The following SLC30A8 variants were observed in gnomAD, a reference collection of about 807,000 sequenced individuals.
SLC30A8 encodes solute carrier family 30 member 8, also known as proton-coupled zinc antiporter SLC30A8.
In SLC30A8, 27 loss-of-function variants were observed where a neutral mutation model predicts 36.9. That is an observed-to-expected ratio of 0.73 (90% CI 0.54 to 1.01). The LOEUF is 1.01. Ranked by LOEUF, SLC30A8 falls within the 50% of genes least tolerant of loss-of-function variation. The pLI is 0.00. For synonymous variants in SLC30A8, 164 were observed against 172.4 expected, an observed-to-expected ratio of 0.95 and a Z score of 0.38; for missense variants, 439 against 452.0, an observed-to-expected ratio of 0.97 and a Z score of 0.26.
Position 117,175,796 on chromosome 8 carries a change from G to C in SLC30A8, c.*3115G>C, listed in dbSNP as rs983269510. ...CCCACAAGACAGTGGCAAAATTATTGGTGAGAATTAAACAGCTGTTTCTCA... is the reference window on the plus strand; with the variant it reads ...CCCACAAGACAGTGGCAAAATTATTCGTGAGAATTAAACAGCTGTTTCTCA... On this transcript the variant is annotated 3_prime_UTR_variant, in exon 8 of 8. Coordinates refer to ENST00000456015, the MANE Select transcript of SLC30A8 (RefSeq NM_173851.3). The C allele has an allele frequency of 2.0e-5, 3 of 152,070 alleles. No individual in the cohort carries two copies. Among genetic ancestry groups the C allele is most frequent in the Admixed American group, 6.6e-5 (1 of 15,238 alleles). 9.4% of individuals were successfully genotyped at this position (152,070 alleles called of 1,614,324 possible).
intron 2 of SLC30A8, among the ~76,000 whole-genome samples, chr8:117,079,152 C>T (rs1345653257): frequency 6.6e-6 from 1 of 152,004 alleles, no homozygotes; most frequent in Admixed American, 6.6e-5. Context: ...CCTGGGATTG[C>T]AGGTGCGGGC....
intron 2 of SLC30A8, among the ~76,000 whole-genome samples, chr8:117,061,377 C>T (rs1251756205): frequency 2.0e-5 from 3 of 152,250 alleles, no homozygotes; most frequent in Non-Finnish European, 4.4e-5. Context: ...TAGGCTTTCT[C>T]ATAGCATTCC....
intron 1 of SLC30A8, among the ~76,000 whole-genome samples, chr8:117,036,052 TG>T (rs1817203223): frequency 6.6e-6 from 1 of 152,196 alleles, no homozygotes; most frequent in African/African-American, 2.4e-5. Flanking sequence ...CCCATTGTCT[TG>T]GCTATTAACA....
At chr8:117,145,730 A>G (rs1336117327) in intron 1 of SLC30A8, among the ~76,000 whole-genome samples, 2 of 152,168 alleles carry the variant, frequency 1.3e-5, no homozygotes, top group Non-Finnish European at 2.9e-5. Context: ...GGCATGACAG[A>G]AGAAACACTG....
At chr8:117,088,509 C>T (rs959095272) in intron 2 of SLC30A8, among the ~76,000 whole-genome samples, 7 of 152,114 alleles carry the variant, frequency 4.6e-5, no homozygotes, top group Admixed American at 3.9e-4. Context: ...CACTGCCTCT[C>T]AAGTTCCGAC....
chr8:117,038,078 G>A (rs187599490), intron 1 of SLC30A8, among the ~76,000 whole-genome samples: 16 of 152,224 alleles, frequency 1.1e-4, no homozygotes, highest in Admixed American at 9.2e-4. Context: ...TCCTGAGGCC[G>A]AATGTGGTAT....
At chr8:117,010,322 A>G (rs1339107368) in intron 1 of SLC30A8, among the ~76,000 whole-genome samples, 2 of 152,200 alleles carry the variant, frequency 1.3e-5, no homozygotes, top group African/African-American at 4.8e-5. Flanking sequence ...AGTCCTCAGC[A>G]GACAAAGCTT....
At chr8:116,972,544 C>T (rs73701640) in intron 1 of SLC30A8, among the ~76,000 whole-genome samples, 2,189 of 152,294 alleles carry the variant, frequency 0.014, 60 homozygotes, top group African/African-American at 0.05. Context: ...GACCTAAGCT[C>T]ACAAGGAGGA....
intron 1 of SLC30A8, among the ~76,000 whole-genome samples, chr8:117,144,268 T>G (rs1563624282): frequency 6.6e-6 from 1 of 152,300 alleles, no homozygotes; most frequent in East Asian, 1.9e-4. Context: ...ATACTTTATT[T>G]GTTACTTTCC....
At chr8:116,993,587 T>C (rs1815720246) in intron 1 of SLC30A8, among the ~76,000 whole-genome samples, 1 of 151,914 alleles carries the variant, frequency 6.6e-6, no homozygotes, top group Non-Finnish European at 1.5e-5. Flanking sequence ...AAAATTATTA[T>C]GTTAAAAATA....
At chr8:117,167,348 A>G (rs1297541496) in intron 6 of SLC30A8, among the ~76,000 whole-genome samples, 1 of 152,162 alleles carries the variant, frequency 6.6e-6, no homozygotes, top group African/African-American at 2.4e-5. Flanking sequence ...ATTTAAAAAT[A>G]ATACAGAAAA....
chr8:117,105,169 C>T (rs1000674234), intron 2 of SLC30A8, among the ~76,000 whole-genome samples: 3 of 152,024 alleles, frequency 2.0e-5, no homozygotes, highest in Non-Finnish European at 2.9e-5. Context: ...GGGAATGCAG[C>T]GCAGTAGGTC....
At position 117,171,175 on chromosome 8, in the gene SLC30A8, G is replaced by A. The variant is rs762917296; in HGVS notation, c.964+7G>A. On this transcript the variant is annotated splice_region_variant and intron_variant, in intron 7 of 7. Coordinates refer to ENST00000456015, the MANE Select transcript of SLC30A8 (RefSeq NM_173851.3). ...TCAGCTCATGTTGCTACAGGTCAGTGAGTTTTGTAAACACCCTGGAAAAAA... is the reference window on the plus strand; with the variant it reads ...TCAGCTCATGTTGCTACAGGTCAGTAAGTTTTGTAAACACCCTGGAAAAAA... 35 of 1,613,362 alleles carry A rather than the reference G, an allele frequency of 2.2e-5. No homozygotes were observed. The highest frequency in any genetic ancestry group is 3.0e-5 in the Non-Finnish European group (35 of 1,179,524).
intron 1 of SLC30A8, among the ~76,000 whole-genome samples, chr8:116,957,284 A>AT (rs958876539): frequency 3.2e-4 from 48 of 148,792 alleles, no homozygotes; most frequent in South Asian, 1.1e-3. Flanking sequence ...TTTATTTTTT[A>AT]TTTTTTTTTT....
chr8:116,998,426 A>G (rs911196223), intron 1 of SLC30A8, among the ~76,000 whole-genome samples: 5 of 152,176 alleles, frequency 3.3e-5, no homozygotes, highest in Non-Finnish European at 7.3e-5. Flanking sequence ...GCCTGAGTCA[A>G]AGTACCAAGA....
intron 1 of SLC30A8, among the ~76,000 whole-genome samples, chr8:117,136,232 T>C (rs1266133577): frequency 6.6e-6 from 1 of 151,858 alleles, no homozygotes; most frequent in Admixed American, 6.6e-5. Context: ...ACATAGAAAA[T>C]AGTTTTAAGG....
At chr8:116,964,074 C>A (rs1412684001) in intron 1 of SLC30A8, among the ~76,000 whole-genome samples, 3 of 152,060 alleles carry the variant, frequency 2.0e-5, no homozygotes, top group Non-Finnish European at 4.4e-5. Context: ...TTTGATAGTT[C>A]AATAAATTTA....
chr8:116,966,257 GCCTTCAACA>G (rs1424658638), intron 1 of SLC30A8, among the ~76,000 whole-genome samples: 1 of 152,124 alleles, frequency 6.6e-6, no homozygotes, highest in Non-Finnish European at 1.5e-5. Context: ...AGTGATTTGT[GCCTTCAACA>G]CCTTTATATT....
intron 2 of SLC30A8, among the ~76,000 whole-genome samples, chr8:117,086,502 C>A (rs2130820385): frequency 6.6e-6 from 1 of 152,314 alleles, no homozygotes; most frequent in South Asian, 2.1e-4. Flanking sequence ...TGGCTTCCAG[C>A]AACAAGCACC....
Sources: gnomAD v4.1 joint callset for allele counts (sites outside exome capture counted in the v4.1 genomes callset) on GRCh38, gnomAD v4.1.1 for gene constraint, MANE v1.5 for transcripts, NCBI Gene and HGNC (gene_info 2026-07-23, HGNC 2026-07-21) for gene names.